The following STAG1 variants were observed in gnomAD, a reference collection of about 807,000 sequenced individuals.
The protein encoded by STAG1 is cohesin subunit SA-1.
Under a neutral mutation model 170.9 loss-of-function variants are expected in STAG1, and 26 were observed. The ratio of observed to expected loss-of-function variants is 0.15; its 90% CI spans 0.11 to 0.21. STAG1 has a LOEUF of 0.21. STAG1 is among the 10% of genes least tolerant of loss of function. The pLI, the probability that STAG1 is intolerant of heterozygous loss-of-function variation, is 1.00. For synonymous variants in STAG1, 514 were observed against 497.7 expected (o/e 1.03, Z -0.44); for missense variants, 964 against 1,509.5 (o/e 0.64, Z 5.99).
chr3:136,517,862 C>T (rs1437429121), intron 7 of STAG1, among the ~76,000 whole-genome samples: 1 of 151,708 alleles, frequency 6.6e-6, no homozygotes, highest in Non-Finnish European at 1.5e-5. Flanking sequence ...TAAAATGGGC[C>T]AAATAACTAG....
At chr3:136,423,663 G>C (rs939938301) in intron 16 of STAG1, among the ~76,000 whole-genome samples, 2 of 152,154 alleles carry the variant, frequency 1.3e-5, no homozygotes, top group African/African-American at 4.8e-5. Context: ...TAAAATGTAA[G>C]TTCAGTTTAA....
At chr3:136,490,722 T>G (rs2090109610) in intron 9 of STAG1, among the ~76,000 whole-genome samples, 1 of 152,198 alleles carries the variant, frequency 6.6e-6, no homozygotes, top group East Asian at 1.9e-4. Flanking sequence ...TGGTATTGTA[T>G]AAGAATAGCT....
intron 22 of STAG1, 41 bp from the exon 23 acceptor site, chr3:136,377,793 T>G: frequency 6.5e-7 from 1 of 1,541,936 alleles, no homozygotes. Flanking sequence ...AATTACAGGA[T>G]CACAGAAAAC....
chr3:136,669,834 G>A (rs1941925210), intron 1 of STAG1, among the ~76,000 whole-genome samples: 1 of 152,096 alleles, frequency 6.6e-6, no homozygotes, highest in African/African-American at 2.4e-5. Flanking sequence ...TAACTAGTAG[G>A]AAAAACCGTA....
chr3:136,495,236 T>G (rs1433886404), intron 9 of STAG1, among the ~76,000 whole-genome samples: 1 of 152,110 alleles, frequency 6.6e-6, no homozygotes, highest in Non-Finnish European at 1.5e-5. Flanking sequence ...ACTGAAAATT[T>G]GTATGCAAAA....
chr3:136,565,318 C>T (rs764543760), intron 5 of STAG1, among the ~76,000 whole-genome samples: 1 of 152,074 alleles, frequency 6.6e-6, no homozygotes, highest in Non-Finnish European at 1.5e-5. Context: ...ACAATATATA[C>T]AACTCATCAA....
chr3:136,341,499 G>C lies in STAG1; in HGVS notation c.3499C>G (p.Arg1167Gly). 1 of 1,613,862 alleles carries C rather than the reference G, an allele frequency of 6.2e-7. No individual in the cohort carries two copies. The highest frequency in any genetic ancestry group is 2.2e-5 in the East Asian group (1 of 44,862). The part of the protein sequence containing the change: ...LGQPKLEDLN[R>G]KDRTGMNYMK... ...TAGTTCATTCCTGTTCTGTCCTTCC[G>C]ATTTAAGTCTTCTAACTTCGGCTGG... Residue 1167 changes from arginine (R) to glycine (G), a missense_variant, in exon 31 of 34, where the codon CGG becomes GGG. By Grantham distance (125) the Arg-to-Gly change is moderately radical. Coordinates refer to ENST00000383202, the MANE Select transcript of STAG1 (RefSeq NM_005862.3).
chr3:136,508,889 A>C (rs80209944), intron 7 of STAG1, among the ~76,000 whole-genome samples: 1,481 of 147,068 alleles, frequency 0.01, 25 homozygotes, highest in African/African-American at 0.035. Context: ...CGCGTGCGCG[A>C]GAGAGAGAGA....
At chr3:136,515,203 A>C (rs1576551880) in intron 7 of STAG1, among the ~76,000 whole-genome samples, 1 of 152,270 alleles carries the variant, frequency 6.6e-6, no homozygotes, top group South Asian at 2.1e-4. Context: ...CGTCTCTCCC[A>C]AAAATACAAA....
chr3:136,385,927 C>A (rs2086861142), intron 22 of STAG1, among the ~76,000 whole-genome samples: 1 of 152,204 alleles, frequency 6.6e-6, no homozygotes, highest in Non-Finnish European at 1.5e-5. Context: ...ACTTTGAACT[C>A]CTGGGCTCAA....
rs748993808 is a variant in STAG1, at chr3:136,421,167, TA to T, written c.2038-5del. ...CATCATCATCAGCTTCTTCTCCCTATAAAAAAAGGAAACATCACATCATTAC... is the reference window on the plus strand; with the variant it reads ...CATCATCATCAGCTTCTTCTCCCTATAAAAAAGGAAACATCACATCATTAC... On this transcript the variant is annotated splice_region_variant and splice_polypyrimidine_tract_variant and intron_variant, in intron 19 of 33. Transcript: ENST00000383202. 29 of 1,597,274 alleles carry T rather than the reference TA, an allele frequency of 1.8e-5. No individual in the cohort carries two copies. Among genetic ancestry groups the T allele is most frequent in the Admixed American group, 1.0e-4 (6 of 57,452 alleles).
At chr3:136,690,659 G>C (rs566864378) in intron 1 of STAG1, among the ~76,000 whole-genome samples, 1 of 152,170 alleles carries the variant, frequency 6.6e-6, no homozygotes, top group African/African-American at 2.4e-5. Context: ...TCATCAGAAG[G>C]AAGGGGTAAA....
At chr3:136,432,226 T>C (rs1270503069) in intron 16 of STAG1, among the ~76,000 whole-genome samples, 1 of 152,216 alleles carries the variant, frequency 6.6e-6, no homozygotes, top group Non-Finnish European at 1.5e-5. Context: ...ATTTGTGCAT[T>C]GTACTTCTCA....
In STAG1 at chr3:136,337,058, C is replaced by T. The variant is rs1426946143; in HGVS notation, c.*1196G>A. On this transcript the variant is annotated 3_prime_UTR_variant, in exon 34 of 34. Transcript: ENST00000383202. Reference sequence around the variant, plus strand: ...ACCATTGTAGACTGTCCTGAAGATTCATAATTTCTTTCCCCAAAAGAATTA... The same window carrying T: ...ACCATTGTAGACTGTCCTGAAGATTTATAATTTCTTTCCCCAAAAGAATTA... 2.0e-5 allele frequency: 3 copies of T among 152,602 alleles called. No individual in the cohort carries two copies. Among genetic ancestry groups the T allele is most frequent in the Non-Finnish European group, 4.4e-5 (3 of 68,030 alleles). 9.5% of individuals were successfully genotyped at this position (152,602 alleles called of 1,614,324 possible).
chr3:136,376,001 T>TA (rs1553796041), intron 23 of STAG1, among the ~76,000 whole-genome samples: 21 of 120,992 alleles, frequency 1.7e-4, no homozygotes, highest in South Asian at 9.7e-4. Context: ...AATAAATAAA[T>TA]AAATAAATAA....
chr3:136,439,194 C>CAA lies in STAG1; in HGVS notation c.1546+4091_1546+4092dup, dbSNP rs1163622178. Among the ~76,000 whole-genome samples, 446 of 63,548 alleles carry CAA rather than the reference C, an allele frequency of 7.0e-3. 8 individuals carry two copies. Among genetic ancestry groups the CAA allele is most frequent in the African/African-American group, 0.027 (404 of 15,060 alleles). 41.7% of individuals were successfully genotyped at this position (63,548 alleles called of 152,430 possible). On this transcript the variant is annotated intron_variant, in intron 15 of 33. Transcript: ENST00000383202. ...TGGGCAACAGAGCAAGACCCAGACT[C>CAA]AAAAAAAAAAAAAAAAAAACCCATA...
At chr3:136,459,853 A>C (rs1169502933) in intron 13 of STAG1, among the ~76,000 whole-genome samples, 1 of 152,158 alleles carries the variant, frequency 6.6e-6, no homozygotes, top group African/African-American at 2.4e-5. Flanking sequence ...AGTACAGCTA[A>C]AGCAGTTCTA....
At chr3:136,574,364 A>G (rs1001656782) in intron 4 of STAG1, among the ~76,000 whole-genome samples, 18 of 152,054 alleles carry the variant, frequency 1.2e-4, no homozygotes, top group Admixed American at 1.1e-3. Flanking sequence ...ACACACACAC[A>G]CGCACATCCT....
At chr3:136,408,541 C>G (rs2087544846) in intron 21 of STAG1, among the ~76,000 whole-genome samples, 3 of 151,624 alleles carry the variant, frequency 2.0e-5, no homozygotes, top group Admixed American at 1.3e-4. Context: ...TTGCACCAAC[C>G]CATAAGGGAT....
Sources: gnomAD v4.1 joint callset for allele counts (sites outside exome capture counted in the v4.1 genomes callset) on GRCh38, gnomAD v4.1.1 for gene constraint, MANE v1.5 for transcripts, NCBI Gene and HGNC (gene_info 2026-07-23, HGNC 2026-07-21) for gene names.